The following WWOX variants were observed in gnomAD, a reference collection of about 807,000 sequenced individuals.
The protein encoded by WWOX is WW domain-containing oxidoreductase.
In WWOX, 69 loss-of-function variants were observed where a neutral mutation model predicts 46.2. The observed-to-expected ratio is 1.49, with a 90% CI of 1.23 to 1.82. The LOEUF (loss-of-function observed/expected upper bound fraction) is 1.82. WWOX is among the 40% of genes most tolerant of loss of function. The probability of loss-of-function intolerance (pLI) is 0.00; values close to 1 mark genes in which losing one functional copy is unlikely to be tolerated. For synonymous variants in WWOX, 359 were observed against 202.6 expected (o/e 1.77, Z -6.56); for missense variants, 919 against 542.6 (o/e 1.69, Z -6.89).
At position 78,224,239 on chromosome 16, in the gene WWOX, G is replaced by A. The variant is rs187319927; in HGVS notation, c.516+59950G>A. On this transcript the variant is annotated intron_variant, in intron 5 of 8. Transcript: ENST00000566780. The stretch of plus-strand genomic sequence containing the variant: ...AGGATGGTCTCTATCTCCTGACCTC[G>A]TGATCCGCCTGCCTCGGCCTCCCAA... Among the ~76,000 whole-genome samples, 72 of 152,128 alleles carry A rather than the reference G, an allele frequency of 4.7e-4. No homozygotes were observed. In the East Asian group the frequency reaches 0.012, roughly 25 times the overall value.
chr16:78,386,558 G>A (rs1016761236), intron 5 of WWOX, among the ~76,000 whole-genome samples: 3 of 152,116 alleles, frequency 2.0e-5, no homozygotes, highest in Non-Finnish European at 4.4e-5. Context: ...CAGATTGAGA[G>A]GAGATAACGT....
intron 6 of WWOX, among the ~76,000 whole-genome samples, chr16:78,423,670 C>G (rs1479692856): frequency 2.0e-5 from 3 of 151,778 alleles, no homozygotes; most frequent in Non-Finnish European, 2.9e-5. Context: ...GAGCCCATCT[C>G]TACAAAAATA....
At chr16:78,516,716 C>G (rs1597199250) in intron 8 of WWOX, among the ~76,000 whole-genome samples, 2 of 152,262 alleles carry the variant, frequency 1.3e-5, no homozygotes, top group Middle Eastern at 3.4e-3. Context: ...TGAAATGATC[C>G]TTACTTAGCA....
intron 8 of WWOX, among the ~76,000 whole-genome samples, chr16:79,090,319 GA>G (rs1328391193): frequency 1.4e-5 from 2 of 147,850 alleles, no homozygotes; most frequent in African/African-American, 2.5e-5. Context: ...GTGTGTGTGT[GA>G]TATAATGTGT....
intron 8 of WWOX, among the ~76,000 whole-genome samples, chr16:79,010,535 C>A (rs1597272146): frequency 2.0e-5 from 3 of 152,248 alleles, no homozygotes; most frequent in Admixed American, 2.0e-4. Context: ...AAAGCCCCTG[C>A]CCTGTGAGGT....
chr16:78,481,221 TA>T (rs2084477435), intron 8 of WWOX, among the ~76,000 whole-genome samples: 1 of 152,200 alleles, frequency 6.6e-6, no homozygotes, highest in Non-Finnish European at 1.5e-5. Flanking sequence ...CGTATGCCCT[TA>T]ATTTTTCTAA....
intron 8 of WWOX, among the ~76,000 whole-genome samples, chr16:78,796,856 C>T (rs1411270756): frequency 9.6e-5 from 14 of 146,436 alleles, no homozygotes; most frequent in African/African-American, 3.3e-4. Context: ...GCCATAGTCT[C>T]ACTCTGTCAC....
At chr16:78,458,514 G>A (rs567056904) in intron 8 of WWOX, among the ~76,000 whole-genome samples, 2 of 152,116 alleles carry the variant, frequency 1.3e-5, no homozygotes, top group Admixed American at 1.3e-4. Flanking sequence ...TCCCACCTCA[G>A]TCTCACAAAG....
rs2084962147 is a variant in WWOX, at chr16:78,498,094, A to C, written c.1056+65342A>C. On this transcript the variant is annotated intron_variant, in intron 8 of 8. Transcript: ENST00000566780. ...GTGGCGGGCGCCTGTAGTCCCAGCTACTTGGGAGGCTGAGGCAGGAGAATG... is the reference window on the plus strand; with the variant it reads ...GTGGCGGGCGCCTGTAGTCCCAGCTCCTTGGGAGGCTGAGGCAGGAGAATG... Among the ~76,000 whole-genome samples, 3 of 151,138 alleles carry C rather than the reference A, an allele frequency of 2.0e-5. No individual in the cohort carries two copies. In the South Asian group the frequency reaches 6.3e-4, roughly 32 times the overall value.
intron 8 of WWOX, among the ~76,000 whole-genome samples, chr16:79,096,488 T>G (rs2150618078): frequency 6.6e-6 from 1 of 152,240 alleles, no homozygotes; most frequent in South Asian, 2.1e-4. Flanking sequence ...GTTATCCCAC[T>G]CAGAGTGCCC....
intron 6 of WWOX, among the ~76,000 whole-genome samples, chr16:78,417,040 G>GGTGGGTGTGTGTGTGTGT (rs1555535316): frequency 2.0e-5 from 3 of 151,264 alleles, no homozygotes; most frequent in African/African-American, 7.3e-5. Flanking sequence ...ACCCTTTGGG[G>GGTGGGTGTGTGTGTGTGT]GTGTGTGTGT....
At chr16:78,148,318 G>A (rs888901688) in intron 4 of WWOX, among the ~76,000 whole-genome samples, 7 of 152,146 alleles carry the variant, frequency 4.6e-5, no homozygotes, top group African/African-American at 1.4e-4. Flanking sequence ...GCGCATGCCT[G>A]TGTGTGTCAT....
chr16:78,654,466 A>G (rs972453334), intron 8 of WWOX, among the ~76,000 whole-genome samples: 2 of 152,180 alleles, frequency 1.3e-5, no homozygotes, highest in Non-Finnish European at 2.9e-5. Flanking sequence ...TGTTATCTCT[A>G]CCCTTATGGT....
At chr16:78,661,403 A>G (rs907855619) in intron 8 of WWOX, among the ~76,000 whole-genome samples, 5 of 151,552 alleles carry the variant, frequency 3.3e-5, no homozygotes, top group Non-Finnish European at 7.4e-5. Context: ...AAGCTGGGCA[A>G]TTTTTTTTTC....
intron 6 of WWOX, among the ~76,000 whole-genome samples, chr16:78,392,497 C>G (rs1344893002): frequency 6.6e-6 from 1 of 152,108 alleles, no homozygotes; most frequent in African/African-American, 2.4e-5. Flanking sequence ...ATGTCATCTG[C>G]TTGAATCGTC....
chr16:78,667,382 A>G (rs2047355942), intron 8 of WWOX, among the ~76,000 whole-genome samples: 1 of 152,176 alleles, frequency 6.6e-6, no homozygotes, highest in African/African-American at 2.4e-5. Context: ...GAAAATTAAA[A>G]ATGATATGAT....
intron 8 of WWOX, among the ~76,000 whole-genome samples, chr16:78,666,934 G>T (rs962372259): frequency 2.6e-5 from 4 of 152,156 alleles, no homozygotes. Context: ...TGATGTCCAG[G>T]GGGTGACAGT....
intron 8 of WWOX, among the ~76,000 whole-genome samples, chr16:78,946,824 A>G (rs1166090123): frequency 1.3e-5 from 2 of 152,168 alleles, no homozygotes; most frequent in Non-Finnish European, 2.9e-5. Flanking sequence ...GAACTGCGGT[A>G]GCAAGGACAA....
At chr16:78,374,295 C>G (rs2081764225) in intron 5 of WWOX, among the ~76,000 whole-genome samples, 1 of 152,042 alleles carries the variant, frequency 6.6e-6, no homozygotes, top group East Asian at 1.9e-4. Flanking sequence ...TATTTAATGT[C>G]TATCATTCTA....
Sources: allele counts gnomAD v4.1 joint callset (sites outside exome capture counted in the v4.1 genomes callset), GRCh38; gene constraint gnomAD v4.1.1; transcripts MANE v1.5; gene names NCBI Gene and HGNC (gene_info 2026-07-23, HGNC 2026-07-21).